The following PALM2AKAP2 variants were observed in gnomAD, a reference collection of about 807,000 sequenced individuals.
PALM2AKAP2 encodes the protein PALM2-AKAP2 fusion protein.
A neutral mutation model predicts 71.5 loss-of-function variants in PALM2AKAP2; 37 were observed. The observed-to-expected ratio is 0.52, with a 90% CI of 0.40 to 0.68. PALM2AKAP2 has a LOEUF of 0.68. Among genes scored for constraint, PALM2AKAP2 ranks in the 30% least tolerant of loss-of-function variants. The probability of loss-of-function intolerance (pLI) is 0.00; values close to 1 mark genes in which losing one functional copy is unlikely to be tolerated. For synonymous variants in PALM2AKAP2, 468 were observed against 478.8 expected (o/e 0.98, Z 0.29); for missense variants, 1,224 against 1,191.8 (o/e 1.03, Z -0.40).
chr9:109,703,875 G>A (rs568929181), intron 1 of PALM2AKAP2, among the ~76,000 whole-genome samples: 1 of 152,196 alleles, frequency 6.6e-6, no homozygotes, highest in East Asian at 1.9e-4. Context: ...AAGAAAATTT[G>A]TATTATTTTA....
chr9:109,796,834 C>A (rs1243503568), intron 1 of PALM2AKAP2, among the ~76,000 whole-genome samples: 3 of 152,198 alleles, frequency 2.0e-5, no homozygotes. Context: ...GCCCCTGACA[C>A]ATGGGGATTA....
At chr9:110,169,894 G>A (rs1836816915) in exon 4 of PALM2AKAP2, 1 of 152,598 alleles carries the variant, frequency 6.6e-6, no homozygotes, top group Non-Finnish European at 1.5e-5. Context: ...GCTGTTTGCT[G>A]GCTTCAGGAG....
chr9:109,697,137 G>T (rs1365627812), intron 1 of PALM2AKAP2, among the ~76,000 whole-genome samples: 1 of 151,994 alleles, frequency 6.6e-6, no homozygotes, highest in Non-Finnish European at 1.5e-5. Context: ...ACAGGGTACT[G>T]GTTAAATAAA....
At chr9:110,087,844 A>C (rs1834609193) in intron 1 of PALM2AKAP2, among the ~76,000 whole-genome samples, 2 of 152,164 alleles carry the variant, frequency 1.3e-5, no homozygotes, top group Non-Finnish European at 2.9e-5. Flanking sequence ...TAGAGGAGGG[A>C]AGCAAACACA....
intron 1 of PALM2AKAP2, among the ~76,000 whole-genome samples, chr9:109,791,872 A>G (rs779196780): frequency 5.3e-5 from 8 of 152,232 alleles, no homozygotes; most frequent in Non-Finnish European, 1.0e-4. Flanking sequence ...TGCTCACAAC[A>G]GTTTAAATAC....
chr9:109,711,387 G>C (rs1449937830), intron 1 of PALM2AKAP2, among the ~76,000 whole-genome samples: 1 of 152,222 alleles, frequency 6.6e-6, no homozygotes, highest in African/African-American at 2.4e-5. Context: ...TCATGGATGA[G>C]AGAGTTACTG....
chr9:109,788,050 C>A (rs1199479475), intron 1 of PALM2AKAP2, among the ~76,000 whole-genome samples: 1 of 152,178 alleles, frequency 6.6e-6, no homozygotes, highest in Non-Finnish European at 1.5e-5. Flanking sequence ...TTTGCGATAT[C>A]TTTTGACATT....
At chr9:110,091,589 A>C (rs770671726) in intron 1 of PALM2AKAP2, among the ~76,000 whole-genome samples, 2 of 148,756 alleles carry the variant, frequency 1.3e-5, no homozygotes, top group Non-Finnish European at 3.0e-5. Context: ...CAGCCTCCCG[A>C]GTAGCTGGGA....
chr9:110,024,811 G>T, intron 7 of PALM2AKAP2: 2 of 663,354 alleles, frequency 3.0e-6, no homozygotes, highest in Non-Finnish European at 5.3e-6. Flanking sequence ...ATATGCCAGT[G>T]TCTTGGGTTT....
intron 1 of PALM2AKAP2, among the ~76,000 whole-genome samples, chr9:109,643,182 C>A (rs993385788): frequency 4.6e-5 from 7 of 152,094 alleles, no homozygotes; most frequent in African/African-American, 1.4e-4. Flanking sequence ...TCCCAAGATA[C>A]CACTGTTGAT....
chr9:109,990,615 G>T (rs1832462052), intron 6 of PALM2AKAP2, among the ~76,000 whole-genome samples: 1 of 152,168 alleles, frequency 6.6e-6, no homozygotes. Flanking sequence ...CTTTAAAATG[G>T]CTCAAAAATT....
chr9:109,722,237 A>T (rs987933731), intron 1 of PALM2AKAP2, among the ~76,000 whole-genome samples: 5 of 152,202 alleles, frequency 3.3e-5, no homozygotes, highest in Non-Finnish European at 7.3e-5. Context: ...TGACCTCTAA[A>T]CTATACTGTA....
chr9:109,925,539 T>C (rs1054366367), intron 5 of PALM2AKAP2, among the ~76,000 whole-genome samples: 5 of 152,112 alleles, frequency 3.3e-5, no homozygotes, highest in Non-Finnish European at 7.4e-5. Context: ...TTTTCTTTGC[T>C]TTCTCTCTCT....
rs375188352 is a variant in PALM2AKAP2 at position 109,814,500 on chromosome 9, C to T, written c.45+33967C>T. On this transcript the variant is annotated intron_variant, in intron 1 of 9. Transcript: ENST00000302798. ...TATTTAGACCTCAGAGGAAGTGAGC[C>T]TCCTGTCACTGGGAGAATCCATTCA... Among the ~76,000 whole-genome samples the T allele has an allele frequency of 2.6e-4, 40 of 152,294 alleles. No individual in the cohort carries two copies. In the South Asian group the frequency reaches 8.1e-3, roughly 31 times the overall value.
chr9:109,763,132 TAGAGAGTTGG>T (rs1829084441), intron 1 of PALM2AKAP2, among the ~76,000 whole-genome samples: 1 of 151,968 alleles, frequency 6.6e-6, no homozygotes, highest in African/African-American at 2.4e-5. Context: ...AAAGCAGGGC[TAGAGAGTTGG>T]ACAGGTTAAC....
At chr9:109,991,670 A>G (rs1832484573) in intron 6 of PALM2AKAP2, among the ~76,000 whole-genome samples, 1 of 152,202 alleles carries the variant, frequency 6.6e-6, no homozygotes, top group South Asian at 2.1e-4. Context: ...ATACATCTCA[A>G]AGAAGAAGAT....
At chr9:109,796,850 A>T (rs1827270593) in intron 1 of PALM2AKAP2, among the ~76,000 whole-genome samples, 2 of 152,190 alleles carry the variant, frequency 1.3e-5, no homozygotes, top group African/African-American at 4.8e-5. Context: ...GATTATGAGG[A>T]TTACAATTCA....
intron 2 of PALM2AKAP2, among the ~76,000 whole-genome samples, chr9:109,875,517 G>C (rs1195158082): frequency 1.3e-5 from 2 of 152,202 alleles, no homozygotes; most frequent in African/African-American, 2.4e-5. Context: ...CAGAAGGAGA[G>C]GATGGGGAGT....
At chr9:109,725,743 TG>T (rs921153720) in intron 1 of PALM2AKAP2, among the ~76,000 whole-genome samples, 9 of 152,302 alleles carry the variant, frequency 5.9e-5, no homozygotes, top group African/African-American at 2.2e-4. Context: ...ATATGTACAA[TG>T]TGTACAATAA....
Sources: allele counts gnomAD v4.1 joint callset (sites outside exome capture counted in the v4.1 genomes callset), GRCh38; gene constraint gnomAD v4.1.1; transcripts MANE v1.5; gene names NCBI Gene and HGNC (gene_info 2026-07-23, HGNC 2026-07-21).